The following CCDC17 variants were observed in gnomAD, a reference collection of about 807,000 sequenced individuals.
The protein encoded by CCDC17 is coiled-coil domain containing 17, also known as coiled-coil domain-containing protein 17.
Under a neutral mutation model 68.0 loss-of-function variants are expected in CCDC17, and 79 were observed. The observed-to-expected ratio is 1.16, with a 90% CI of 0.97 to 1.40. The LOEUF is 1.40. CCDC17 is among the 40% of genes most tolerant of loss of function. The pLI, the probability that CCDC17 is intolerant of heterozygous loss-of-function variation, is 0.00. For synonymous variants in CCDC17, 376 were observed against 337.5 expected (o/e 1.11, Z -1.25); for missense variants, 846 against 811.5 (o/e 1.04, Z -0.52).
Position 45,621,911 on chromosome 1 carries a change from GC to G in CCDC17, c.1051del (p.Ala351HisfsTer19). The stretch of plus-strand genomic sequence containing the variant: ...GCCTGGAAGTGGTGGCAGCGGTGGT[GC>G]CACCGGTGGCGGGAGGAGTGGGGGA... ...RDPPLLPPPV[A>X]PPLPPLPGFS... On this transcript the variant is annotated frameshift_variant, in exon 8 of 13. Coordinates refer to ENST00000528266, the MANE Select transcript of CCDC17 (RefSeq NM_001114938.3). LOFTEE classifies it high-confidence loss of function. 6.2e-7 allele frequency: 1 copy of G among 1,607,826 alleles called. No homozygotes were observed.
At position 45,622,942 on chromosome 1, in the gene CCDC17, A is replaced by C. The variant is rs1271521416; in HGVS notation, c.656+13T>G. On this transcript the variant is annotated intron_variant, in intron 4 of 12. Coordinates refer to ENST00000528266, the MANE Select transcript of CCDC17 (RefSeq NM_001114938.3). ...AGCCGCATGTTCCGGGGATCCGCTT[A>C]GTCGGGTCTCACCCTGGCTCCGCCT... 4 of 1,593,576 alleles carry C rather than the reference A, an allele frequency of 2.5e-6. No homozygotes were observed. Among genetic ancestry groups the C allele is most frequent in the Admixed American group, 1.7e-5 (1 of 58,466 alleles).
In CCDC17 at chr1:45,620,362, A is replaced by G. The variant is rs1303056088; in HGVS notation, c.1782T>C (p.Arg594=). The G allele has an allele frequency of 6.2e-7, 1 of 1,606,970 alleles. No individual in the cohort carries two copies. The highest frequency in any genetic ancestry group is 8.5e-7 in the Non-Finnish European group (1 of 1,177,536). ...TGACTCCACTGAGGGGCTCTTCTGT[A>G]CGAGGTGGGGGATCAGCAAAGCCAA... ...PAVGFADPPP[R]TEEPLSGVKD... Residue 594 remains arginine, a synonymous_variant, in exon 13 of 13, where the codon CGT becomes CGC. Transcript: ENST00000528266.
intron 8 of CCDC17, 43 bp from the exon 9 acceptor site, chr1:45,621,778 G>C (rs1644267327): frequency 3.7e-6 from 6 of 1,608,076 alleles, no homozygotes; most frequent in Non-Finnish European, 5.1e-6. Flanking sequence ...CCTTGTAGCT[G>C]CTCATGTTCC....
In CCDC17 at chr1:45,621,923, G is replaced by A. The variant is rs369465901; in HGVS notation, c.1040C>T (p.Pro347Leu). Residue 347 changes from proline (P) to leucine (L), a missense_variant, in exon 8 of 13, where the codon CCG (proline) becomes CTG (leucine). Physicochemically the swap from Pro to Leu is moderately conservative, Grantham distance 98. Transcript: ENST00000528266. Reference sequence around the variant, plus strand: ...TGGCAGCGGTGGTGCCACCGGTGGCGGGAGGAGTGGGGGATCTCTCCTCCC... The same window carrying A: ...TGGCAGCGGTGGTGCCACCGGTGGCAGGAGGAGTGGGGGATCTCTCCTCCC... ...PKGRRDPPLL[P>L]PPVAPPLPPL... 7.1e-5 allele frequency: 114 copies of A among 1,609,216 alleles called. 1 individual carries two copies. The highest frequency in any genetic ancestry group is 1.7e-4 in the Middle Eastern group (1 of 6,052).
At position 45,621,059 on chromosome 1, in the gene CCDC17, C is replaced by G. The variant is rs1336820344; in HGVS notation, c.1443G>C (p.Gly481=). The stretch of plus-strand genomic sequence containing the variant: ...GCTGTGGTGCCCTAGCCCATGCTAG[C>G]CCCTGCCAGACCTGCAGCTCACAGA... ...SLVCELQVWQ[G]LAWARAPQPK... Residue 481 remains glycine (G), a synonymous_variant, in exon 11 of 13, where the codon GGG becomes GGC. Transcript: ENST00000528266. 6.2e-7 allele frequency: 1 copy of G among 1,613,876 alleles called. No homozygotes were observed. Among genetic ancestry groups the G allele is most frequent in the Non-Finnish European group, 8.5e-7 (1 of 1,179,902 alleles).
Position 45,621,891 on chromosome 1 carries a change from G to C in CCDC17, c.1072C>G (p.Pro358Ala), listed in dbSNP as rs1438827773. The C allele has an allele frequency of 1.2e-6, 2 of 1,605,010 alleles. No homozygotes were observed. The highest frequency in any genetic ancestry group is 4.5e-5 in the East Asian group (2 of 44,770). ...AAGAACTGAACCTCCGAGAAGCCTGGAAGTGGTGGCAGCGGTGGTGCCACC... is the reference window on the plus strand; with the variant it reads ...AAGAACTGAACCTCCGAGAAGCCTGCAAGTGGTGGCAGCGGTGGTGCCACC... ...PPVAPPLPPL[P>A]GFSEPQLPGT... The change falls in exon 8 of 13, where the codon CCA becomes GCA. Residue 358 changes from proline to alanine, a missense_variant. By Grantham distance (27) the Pro-to-Ala change is conservative (BLOSUM62 -1). Coordinates refer to ENST00000528266, the MANE Select transcript of CCDC17 (RefSeq NM_001114938.3).
At chr1:45,622,479 A>G in intron 6 of CCDC17, 70 bp downstream of exon 6, 2 of 1,497,222 alleles carry the variant, frequency 1.3e-6, no homozygotes, top group South Asian at 2.5e-5. Flanking sequence ...ATCCACAGCC[A>G]CAGGCCCTCC....
At chr1:45,623,481 C>G in intron 2 of CCDC17, 42 bp from the exon 3 acceptor site, 2 of 1,549,458 alleles carry the variant, frequency 1.3e-6, no homozygotes, top group Non-Finnish European at 8.7e-7. Flanking sequence ...TGGGCAGAAT[C>G]TGTCCCAAGT....
rs201008298 is a variant in CCDC17 at position 45,620,977 on chromosome 1, G to T, written c.1525C>A (p.Arg509Ser). 10 of 1,613,794 alleles carry T rather than the reference G, an allele frequency of 6.2e-6. No individual in the cohort carries two copies. In the East Asian group the frequency reaches 2.2e-4, roughly 36 times the overall value. ...FDQDQRVLSG[R>S]WRLPLRALPL... ...AGGGCCCGAAGTGGGAGGCGCCAGC[G>T]GCCACTTAGCACCCGCTGATCTTGG... The change falls in exon 11 of 13, where the codon CGC becomes AGC. Residue 509 changes from arginine to serine, a missense_variant. By Grantham distance (110) the Arg-to-Ser change is moderately radical. Coordinates refer to ENST00000528266, the MANE Select transcript of CCDC17 (RefSeq NM_001114938.3).
chr1:45,623,024 T>G lies in CCDC17; in HGVS notation c.587A>C (p.Glu196Ala). Residue 196 changes from glutamate to alanine, a missense_variant, in exon 4 of 13, where the codon GAG becomes GCG. By Grantham distance (107) the Glu-to-Ala change is moderately radical. Transcript: ENST00000528266. ...LEQEIRELQA[E>A]AGRTRGALEV... ...TAGAGCTCCCCGCGTCCTCCCGGCC[T>G]CAGCTTGTAGTTCTCGAATCTCCTG... 3 of 1,612,920 alleles carry G rather than the reference T, an allele frequency of 1.9e-6. No homozygotes were observed. Among genetic ancestry groups the G allele is most frequent in the Non-Finnish European group, 1.7e-6 (2 of 1,179,438 alleles).
In CCDC17 at chr1:45,621,712, G is replaced by T. The variant is rs766250058; in HGVS notation, c.1110C>A (p.Thr370=). 1 of 1,613,860 alleles carries T rather than the reference G, an allele frequency of 6.2e-7. No individual in the cohort carries two copies. The highest frequency in any genetic ancestry group is 8.5e-7 in the Non-Finnish European group (1 of 1,179,858). ...FSEPQLPGTM[T]RNLGLDSHFL... is the part of the protein sequence containing the mutation. ...AGTGTGAGTCCAGGCCCAGGTTTCTGGTCATTGTTCCAGGAAGCTGTGGCT... is the reference window on the plus strand; with the variant it reads ...AGTGTGAGTCCAGGCCCAGGTTTCTTGTCATTGTTCCAGGAAGCTGTGGCT... The change falls in exon 9 of 13, where the codon ACC becomes ACA. Residue 370 remains threonine (T), a synonymous_variant. Coordinates refer to ENST00000528266, the MANE Select transcript of CCDC17 (RefSeq NM_001114938.3).
chr1:45,622,527 G>C lies in CCDC17; in HGVS notation c.859+22C>G, dbSNP rs1001558243. The C allele has an allele frequency of 2.6e-6, 4 of 1,548,304 alleles. No individual in the cohort carries two copies. In the Admixed American group the frequency reaches 7.9e-5, roughly 30 times the overall value. On this transcript the variant is annotated intron_variant, in intron 6 of 12. Transcript: ENST00000528266. ...TCTCCTCCCAGGACTGACCACCGCTGGCGAGAGGCCCTCCTGTTCACCTCT... is the reference window on the plus strand; with the variant it reads ...TCTCCTCCCAGGACTGACCACCGCTCGCGAGAGGCCCTCCTGTTCACCTCT...
Position 45,623,819 on chromosome 1 carries a change from G to A in CCDC17, c.91C>T (p.Gln31Ter). 6.4e-7 allele frequency: 1 copy of A among 1,551,642 alleles called. No homozygotes were observed. Among genetic ancestry groups the A allele is most frequent in the Non-Finnish European group, 8.7e-7 (1 of 1,146,920 alleles). Residue 31 changes from glutamine (Q) to a stop codon, truncating the protein, a stop_gained, in exon 1 of 13, where the codon CAG becomes TAG. Transcript: ENST00000528266. LOFTEE classifies it high-confidence loss of function. Reference sequence around the variant, plus strand: ...GTCGGGTGGCCAATGCAGAAGCGCTGAGTATGGGTGGCTAACAGAGCTGAG... The same window carrying A: ...GTCGGGTGGCCAATGCAGAAGCGCTAAGTATGGGTGGCTAACAGAGCTGAG... Reference protein sequence around the residue: ...RSSALLATHTQRFCIGHPTQE... With the variant: ...RSSALLATHT
intron 10 of CCDC17, 50 bp downstream of exon 10, chr1:45,621,231 T>C (rs1253282829): frequency 6.5e-7 from 1 of 1,543,484 alleles, no homozygotes; most frequent in Admixed American, 2.0e-5. Context: ...GAATGGTGGA[T>C]AAGCCTCAAC....
rs1307272784 is a variant in CCDC17, at chr1:45,623,333, G to T, written c.377C>A (p.Pro126His). ...WTRSEARPQS[P>H]MSEAVGSPSE... ...GGGGCTTCCCACCGCCTCGGACATG[G>T]GACTCTGAGGCCGCGCCTCGGAACG... Residue 126 changes from proline (P) to histidine (H), a missense_variant, in exon 3 of 13, where the codon CCC (proline) becomes CAC (histidine). Coordinates refer to ENST00000528266, the MANE Select transcript of CCDC17 (RefSeq NM_001114938.3). 1.3e-6 allele frequency: 2 copies of T among 1,550,574 alleles called. No individual in the cohort carries two copies. Among genetic ancestry groups the T allele is most frequent in the East Asian group, 4.9e-5 (2 of 40,912 alleles).
rs1415622434 is a variant in CCDC17, at chr1:45,622,483, GCCCT to G, written c.859+62_859+65del. On this transcript the variant is annotated intron_variant, in intron 6 of 12. Transcript: ENST00000528266. ...GCTCACATGCCATCCACAGCCACAG[GCCCT>G]CCCTCGAGTTCTTTTCTCCTCCCAG... 2.0e-6 allele frequency: 3 copies of G among 1,496,316 alleles called. No individual in the cohort carries two copies. The East Asian group carries it at 7.4e-5, about 37-fold the overall frequency. The allele number at this position is 1,496,316 out of a possible 1,614,324, so 92.7% of individuals were successfully genotyped here.
Position 45,621,995 on chromosome 1 carries a change from C to T in CCDC17, c.968G>A (p.Gly323Glu), listed in dbSNP as rs1644280449. The change falls in exon 8 of 13, where the codon GGG becomes GAG. Residue 323 changes from glycine (G) to glutamate (E), a missense_variant and splice_region_variant. Gly to Glu is a moderately conservative substitution (Grantham distance 98). Transcript: ENST00000528266. ...LQMQRGRAPL[G>E]PQDLRLLGDA... Reference sequence around the variant, plus strand: ...CCCCAGGAGTCGCAGATCCTGGGGCCCTAGGAGCAGAAGAGTTAGGGTGCC... The same window carrying T: ...CCCCAGGAGTCGCAGATCCTGGGGCTCTAGGAGCAGAAGAGTTAGGGTGCC... 6.2e-7 allele frequency: 1 copy of T among 1,602,516 alleles called. No homozygotes were observed. The highest frequency in any genetic ancestry group is 1.3e-5 in the African/African-American group (1 of 74,738).
At chr1:45,622,869 C>G in intron 4 of CCDC17, 35 bp from the exon 5 acceptor site, 1 of 1,578,070 alleles carries the variant, frequency 6.3e-7, no homozygotes, top group South Asian at 1.2e-5. Context: ...GAGACGGTAA[C>G]GCATCAGAGG....
At chr1:45,620,657 C>T (rs11590549) in intron 12 of CCDC17, 66 bp downstream of exon 12, 363,627 of 1,549,426 alleles carry the variant, frequency 0.23, 44,657 homozygotes, top group African/African-American at 0.33. Flanking sequence ...AAAGGCTGGC[C>T]GTTAGCCATA....
Sources: allele counts gnomAD v4.1 joint callset, GRCh38; gene constraint gnomAD v4.1.1; transcripts MANE v1.5; gene names NCBI Gene and HGNC (gene_info 2026-07-23, HGNC 2026-07-21).